The following FBXL17 variants were observed in gnomAD, a reference collection of about 807,000 sequenced individuals.
The protein encoded by FBXL17 is F-box/LRR-repeat protein 17.
A neutral mutation model predicts 66.2 loss-of-function variants in FBXL17; 22 were observed. The observed-to-expected ratio is 0.33, with a 90% CI of 0.24 to 0.47. The LOEUF is 0.47. Ranked by LOEUF, FBXL17 falls within the 20% of genes least tolerant of loss-of-function variation. FBXL17 has a pLI of 1.00. For missense variants in FBXL17, 878 were observed against 948.2 expected (o/e 0.93, Z 0.97); for synonymous variants, 474 against 400.5 (o/e 1.18, Z -2.19).
chr5:108,060,812 A>T (rs1044464518), intron 6 of FBXL17, among the ~76,000 whole-genome samples: 2 of 152,018 alleles, frequency 1.3e-5, no homozygotes, highest in Non-Finnish European at 1.5e-5. Context: ...TGCATGTATT[A>T]CATCAATCCG....
At chr5:107,885,529 GT>G (rs1350790295) in intron 7 of FBXL17, among the ~76,000 whole-genome samples, 1 of 152,128 alleles carries the variant, frequency 6.6e-6, no homozygotes, top group Non-Finnish European at 1.5e-5. Flanking sequence ...ACATAGGAGA[GT>G]GCTCGAATAA....
intron 6 of FBXL17, among the ~76,000 whole-genome samples, chr5:108,035,109 G>GTAGTTATGTACCTTTA (rs913890612): frequency 6.6e-6 from 1 of 152,138 alleles, no homozygotes; most frequent in Non-Finnish European, 1.5e-5. Flanking sequence ...CTCTCAGTGT[G>GTAGTTATGTACCTTTA]TAGTTATGTA....
chr5:108,029,668 T>G (rs1410195669), intron 6 of FBXL17, among the ~76,000 whole-genome samples: 1 of 152,074 alleles, frequency 6.6e-6, no homozygotes, highest in African/African-American at 2.4e-5. Flanking sequence ...ATGTGGACTA[T>G]ATTTAAAAAA....
chr5:108,247,863 A>G (rs1321637179), intron 4 of FBXL17, among the ~76,000 whole-genome samples: 2 of 152,186 alleles, frequency 1.3e-5, no homozygotes, highest in African/African-American at 4.8e-5. Context: ...TTCCAGGGCA[A>G]GATGGTGTAT....
At chr5:108,228,714 A>C (rs1755200801) in intron 4 of FBXL17, among the ~76,000 whole-genome samples, 1 of 152,162 alleles carries the variant, frequency 6.6e-6, no homozygotes, top group Non-Finnish European at 1.5e-5. Context: ...ATTCAAAAAG[A>C]GTGTATTTAA....
intron 4 of FBXL17, among the ~76,000 whole-genome samples, chr5:108,237,549 A>G (rs7728430): frequency 0.066 from 10,099 of 152,284 alleles, 1,107 homozygotes; most frequent in African/African-American, 0.23. Flanking sequence ...ATAGAGACAT[A>G]TGAGCTTAAT....
In FBXL17 at chr5:108,058,404, C is replaced by T. The variant is rs527760881; in HGVS notation, c.1746-37403G>A. Reference sequence around the variant, plus strand: ...GTCTACATGGATTCTTTCTTTCCTTCTTTCTTTCTCTTTCTTTCTTCTTTC... The same window carrying T: ...GTCTACATGGATTCTTTCTTTCCTTTTTTCTTTCTCTTTCTTTCTTCTTTC... On this transcript the variant is annotated intron_variant, in intron 6 of 8. Transcript: ENST00000542267. 4.2e-4 allele frequency among the ~76,000 whole-genome samples: 12 copies of T among 28,506 alleles called. No individual in the cohort carries two copies. In the East Asian group the frequency reaches 0.012, roughly 28 times the overall value. 18.7% of individuals were successfully genotyped at this position (28,506 alleles called of 152,430 possible).
At chr5:108,355,518 G>T (rs994896994) in intron 3 of FBXL17, among the ~76,000 whole-genome samples, 5 of 152,046 alleles carry the variant, frequency 3.3e-5, no homozygotes, top group Admixed American at 6.6e-5. Context: ...CCTGACCTCA[G>T]GTAAGCCACC....
chr5:108,226,955 C>T (rs1755126646), intron 4 of FBXL17, among the ~76,000 whole-genome samples: 1 of 152,100 alleles, frequency 6.6e-6, no homozygotes, highest in South Asian at 2.1e-4. Flanking sequence ...GAGACTATAC[C>T]AATGGCTCTC....
intron 1 of FBXL17, among the ~76,000 whole-genome samples, chr5:108,380,085 CCA>C (rs1166164074): frequency 6.6e-6 from 1 of 152,190 alleles, no homozygotes; most frequent in African/African-American, 2.4e-5. Flanking sequence ...ACTGTCAGCT[CCA>C]CAGGAGCAAA....
At chr5:108,131,686 GA>G (rs1015070880) in intron 6 of FBXL17, among the ~76,000 whole-genome samples, 1 of 151,832 alleles carries the variant, frequency 6.6e-6, no homozygotes, top group Admixed American at 6.6e-5. Flanking sequence ...TGATCAGTAA[GA>G]AAAAAATAAT....
intron 4 of FBXL17, among the ~76,000 whole-genome samples, chr5:108,236,153 T>C (rs1755592021): frequency 6.6e-6 from 1 of 151,974 alleles, no homozygotes; most frequent in Non-Finnish European, 1.5e-5. Flanking sequence ...GAGGCTGCAG[T>C]GAGCTTGGAC....
chr5:108,293,620 C>T (rs998727435), intron 4 of FBXL17, among the ~76,000 whole-genome samples: 4 of 152,008 alleles, frequency 2.6e-5, no homozygotes, highest in African/African-American at 9.7e-5. Context: ...TGCTAAATCA[C>T]GGTATATTTT....
intron 6 of FBXL17, among the ~76,000 whole-genome samples, chr5:108,074,803 T>C (rs1748481033): frequency 6.6e-6 from 1 of 152,208 alleles, no homozygotes; most frequent in Admixed American, 6.5e-5. Flanking sequence ...ACACTTGACC[T>C]TTGTATCTGT....
rs1324679389 is a variant in FBXL17, at chr5:108,380,921, C to T, written c.771G>A (p.Pro257=). ...CCQAPEQPPQ[P]LCPPPSSPTS... Reference sequence around the variant, plus strand: ...TGGGAGAAGAGGGCGGAGGGCAGAGCGGCTGCGGGGGCTGCTCCGGGGCCT... The same window carrying T: ...TGGGAGAAGAGGGCGGAGGGCAGAGTGGCTGCGGGGGCTGCTCCGGGGCCT... The change falls in exon 1 of 9, where the codon CCG becomes CCA. Residue 257 remains proline (P), a synonymous_variant. Transcript: ENST00000542267. 5.7e-6 allele frequency: 7 copies of T among 1,224,544 alleles called. No homozygotes were observed. Among genetic ancestry groups the T allele is most frequent in the Middle Eastern group, 2.8e-4 (1 of 3,524 alleles). The allele number at this position is 1,224,544 out of a possible 1,614,324, so 75.9% of individuals were successfully genotyped here.
At chr5:108,198,605 A>T (rs1463112655) in intron 5 of FBXL17, among the ~76,000 whole-genome samples, 1 of 152,190 alleles carries the variant, frequency 6.6e-6, no homozygotes, top group East Asian at 1.9e-4. Flanking sequence ...GCAAGTAAGG[A>T]TTCATATTTG....
At chr5:107,943,990 T>C (rs572740868) in intron 7 of FBXL17, among the ~76,000 whole-genome samples, 8 of 152,308 alleles carry the variant, frequency 5.3e-5, no homozygotes, top group African/African-American at 1.9e-4. Flanking sequence ...GCCTTGTACA[T>C]TGATGTCAAC....
At chr5:108,178,943 T>C (rs1752897894) in intron 6 of FBXL17, among the ~76,000 whole-genome samples, 1 of 152,226 alleles carries the variant, frequency 6.6e-6, no homozygotes, top group Non-Finnish European at 1.5e-5. Flanking sequence ...CTGCTGGATT[T>C]AATGGATAGG....
rs115779527 is a variant in FBXL17 at position 108,006,836 on chromosome 5, G to A, written c.1822+14089C>T. ...CTTTACTATGTACTTCAGGATAAAG[G>A]ATTTGCAACTATATGGTGGTTGAGA... is the stretch of plus-strand genomic sequence containing the variant. On this transcript the variant is annotated intron_variant, in intron 7 of 8. Coordinates refer to ENST00000542267, the MANE Select transcript of FBXL17 (RefSeq NM_001163315.3). 4.2e-3 allele frequency among the ~76,000 whole-genome samples: 645 copies of A among 152,258 alleles called. 7 individuals carry two copies. Among genetic ancestry groups the A allele is most frequent in the African/African-American group, 0.015 (631 of 41,548 alleles).
Sources: gnomAD v4.1 joint callset for allele counts (sites outside exome capture counted in the v4.1 genomes callset) on GRCh38, gnomAD v4.1.1 for gene constraint, MANE v1.5 for transcripts, NCBI Gene and HGNC (gene_info 2026-07-23, HGNC 2026-07-21) for gene names.